PSEN1: variants seen among roughly 807,000 people sequenced by gnomAD.
The protein encoded by PSEN1 is presenilin-1.
A neutral mutation model predicts 53.5 loss-of-function variants in PSEN1; 15 were observed. The observed-to-expected ratio is 0.28, with a 90% CI of 0.19 to 0.43. PSEN1 has a LOEUF of 0.43. Ranked by LOEUF, PSEN1 falls within the 20% of genes least tolerant of loss-of-function variation. PSEN1 has a pLI of 1.00. For synonymous variants in PSEN1, 208 were observed against 209.8 expected, an observed-to-expected ratio of 0.99 and a Z score of 0.08; for missense variants, 387 against 571.2, an observed-to-expected ratio of 0.68 and a Z score of 3.29.
intron 10 of PSEN1, among the ~76,000 whole-genome samples, chr14:73,215,718 T>C (rs1226145622): frequency 6.6e-6 from 1 of 151,982 alleles, no homozygotes; most frequent in Non-Finnish European, 1.5e-5. Flanking sequence ...CCAAAAGAGA[T>C]ATATAATGGC....
intron 3 of PSEN1, among the ~76,000 whole-genome samples, chr14:73,151,363 TGATTG>T (rs1327732885): frequency 6.6e-6 from 1 of 152,174 alleles, no homozygotes; most frequent in Non-Finnish European, 1.5e-5. Context: ...ATAGTTGCTG[TGATTG>T]GATATATGGA....
At chr14:73,164,455 A>T (rs868208969) in intron 3 of PSEN1, among the ~76,000 whole-genome samples, 2 of 152,254 alleles carry the variant, frequency 1.3e-5, no homozygotes, top group South Asian at 2.1e-4. Context: ...TGTAGAATAA[A>T]TGGTAAAACT....
intron 1 of PSEN1, among the ~76,000 whole-genome samples, chr14:73,143,014 C>G (rs1896969128): frequency 6.6e-6 from 1 of 152,164 alleles, no homozygotes; most frequent in Non-Finnish European, 1.5e-5. Context: ...ATCTGGGTAA[C>G]TGTTGTTGTT....
chr14:73,162,716 A>G (rs1284017887), intron 3 of PSEN1, among the ~76,000 whole-genome samples: 1 of 152,174 alleles, frequency 6.6e-6, no homozygotes, highest in Non-Finnish European at 1.5e-5. Flanking sequence ...TCTAAGATAC[A>G]TAGTTAAGTG....
At chr14:73,139,836 A>T (rs997779514) in intron 1 of PSEN1, among the ~76,000 whole-genome samples, 2 of 152,152 alleles carry the variant, frequency 1.3e-5, no homozygotes, top group African/African-American at 4.8e-5. Flanking sequence ...AGATATTAAT[A>T]CTCTTGCTTG....
At chr14:73,191,273 A>G (rs1433959266) in intron 6 of PSEN1, among the ~76,000 whole-genome samples, 1 of 152,180 alleles carries the variant, frequency 6.6e-6, no homozygotes, top group African/African-American at 2.4e-5. Context: ...CTTCTCTCAC[A>G]CTACTTTGCA....
At chr14:73,146,741 T>TG (rs1468147402) in intron 1 of PSEN1, among the ~76,000 whole-genome samples, 3 of 152,202 alleles carry the variant, frequency 2.0e-5, no homozygotes, top group African/African-American at 7.2e-5. Flanking sequence ...AGTATCCTGA[T>TG]GTTAAAAGTG....
intron 3 of PSEN1, among the ~76,000 whole-genome samples, chr14:73,158,058 G>A (rs1425526901): frequency 1.3e-5 from 2 of 151,674 alleles, no homozygotes; most frequent in Admixed American, 6.6e-5. Context: ...ATTCGTCCAT[G>A]TTATGTGGTT....
intron 10 of PSEN1, 58 bp from the exon 11 acceptor site, chr14:73,217,068 T>C: frequency 1.3e-6 from 2 of 1,579,040 alleles, no homozygotes; most frequent in Non-Finnish European, 1.7e-6. Context: ...ATTTTTGAAT[T>C]GTGAAATCAT....
At chr14:73,204,297 CTT>C (rs546391770) in intron 8 of PSEN1, among the ~76,000 whole-genome samples, 22 of 137,448 alleles carry the variant, frequency 1.6e-4, no homozygotes, top group Non-Finnish European at 1.6e-4. Flanking sequence ...CATGCCTGGC[CTT>C]TTTTTTTTTT....
intron 3 of PSEN1, among the ~76,000 whole-genome samples, chr14:73,161,376 T>C (rs1897532303): frequency 6.6e-6 from 1 of 152,204 alleles, no homozygotes; most frequent in Non-Finnish European, 1.5e-5. Context: ...TTGTCTATTT[T>C]TGTTTTTGTT....
intron 3 of PSEN1, among the ~76,000 whole-genome samples, chr14:73,155,300 G>A (rs1026799207): frequency 1.3e-5 from 2 of 152,036 alleles, no homozygotes; most frequent in Non-Finnish European, 2.9e-5. Context: ...AACTGGCCTC[G>A]CTAAACTTCA....
chr14:73,151,450 G>A (rs1439610946), intron 3 of PSEN1, among the ~76,000 whole-genome samples: 1 of 152,014 alleles, frequency 6.6e-6, no homozygotes, highest in Non-Finnish European at 1.5e-5. Context: ...GGTGGTTCAC[G>A]GCTGTATTAC....
At position 73,222,932 on chromosome 14, in the gene PSEN1, A is replaced by C. The variant is rs1882664766; in HGVS notation, c.*3643A>C. On this transcript the variant is annotated 3_prime_UTR_variant, in exon 12 of 12. Transcript: ENST00000324501. The stretch of plus-strand genomic sequence containing the variant: ...CATTGAATTTGGAAGGAGACGTGAA[A>C]ATTGGACATTTGGTTTTGCCCTTGG... The C allele has an allele frequency of 2.0e-5, 3 of 152,338 alleles. No individual in the cohort carries two copies. In the South Asian group the frequency reaches 6.2e-4, roughly 32 times the overall value. The allele number at this position is 152,338 out of a possible 1,614,324, so 9.4% of individuals were successfully genotyped here. A position where few individuals can be genotyped will look rare whatever the true frequency, so the allele number is the denominator to read the frequency against.
chr14:73,217,377 T>C, intron 11 of PSEN1, 133 bp downstream of exon 11: 1 of 1,007,842 alleles, frequency 9.9e-7, no homozygotes, highest in East Asian at 2.5e-5. Context: ...TTTTTGATAA[T>C]TGGACCTCAC....
intron 10 of PSEN1, among the ~76,000 whole-genome samples, chr14:73,212,666 A>G (rs1899751728): frequency 6.6e-6 from 1 of 152,186 alleles, no homozygotes; most frequent in South Asian, 2.1e-4. Context: ...GATTTAGGAT[A>G]TTGGCAGAAA....
At chr14:73,171,180 G>A in intron 4 of PSEN1, 133 bp downstream of exon 4, 1 of 1,090,388 alleles carries the variant, frequency 9.2e-7, no homozygotes, top group Non-Finnish European at 1.4e-6. Context: ...GTGATGGTCA[G>A]GAGCAGTTGA....
intron 9 of PSEN1, chr14:73,208,988 G>A (rs555049436): frequency 5.7e-5 from 24 of 419,706 alleles, no homozygotes; most frequent in Non-Finnish European, 1.2e-4. Flanking sequence ...GGGGGCCAAG[G>A]TGGCAGGGGG....
At chr14:73,213,634 G>A (rs1268838480) in intron 10 of PSEN1, among the ~76,000 whole-genome samples, 1 of 152,178 alleles carries the variant, frequency 6.6e-6, no homozygotes, top group African/African-American at 2.4e-5. Flanking sequence ...AGGCACAAAT[G>A]TCTTCTAAAG....
Sources: allele counts gnomAD v4.1 joint callset (sites outside exome capture counted in the v4.1 genomes callset), GRCh38; gene constraint gnomAD v4.1.1; transcripts MANE v1.5; gene names NCBI Gene and HGNC (gene_info 2026-07-23, HGNC 2026-07-21).